The following PLXDC2 variants were observed in gnomAD, a reference collection of about 807,000 sequenced individuals.
PLXDC2 encodes the protein plexin domain-containing protein 2.
In PLXDC2, 40 loss-of-function variants were observed where a neutral mutation model predicts 68.9. That is an observed-to-expected ratio of 0.58 (90% confidence interval 0.45 to 0.76). The LOEUF is 0.76. Among genes scored for constraint, PLXDC2 ranks in the 30% least tolerant of loss-of-function variants. The pLI is 0.00. For missense variants in PLXDC2, 644 were observed against 661.9 expected, an observed-to-expected ratio of 0.97 and a Z score of 0.30; for synonymous variants, 243 against 234.2, an observed-to-expected ratio of 1.04 and a Z score of -0.34.
chr10:20,196,581 G>A (rs1193386303), intron 9 of PLXDC2, among the ~76,000 whole-genome samples: 1 of 152,090 alleles, frequency 6.6e-6, no homozygotes, highest in East Asian at 1.9e-4. Context: ...ATAGCTTGCT[G>A]TAGATACCAC....
chr10:20,184,803 A>G (rs1178669474), intron 9 of PLXDC2, among the ~76,000 whole-genome samples: 2 of 151,914 alleles, frequency 1.3e-5, no homozygotes, highest in Non-Finnish European at 2.9e-5. Flanking sequence ...GTATATTTGC[A>G]GCATTAAGTG....
intron 4 of PLXDC2, among the ~76,000 whole-genome samples, chr10:20,098,344 T>TGC (rs1833378205): frequency 7.4e-6 from 1 of 135,300 alleles, no homozygotes; most frequent in Admixed American, 7.5e-5. Context: ...GTCATTTTCG[T>TGC]GCGTGTGTGT....
At chr10:19,963,392 T>C (rs1834193997) in intron 1 of PLXDC2, among the ~76,000 whole-genome samples, 1 of 152,218 alleles carries the variant, frequency 6.6e-6, no homozygotes, top group African/African-American at 2.4e-5. Context: ...GTTTTCTTAA[T>C]CCAGTCTATC....
At chr10:20,255,862 T>G (rs1835735339) in intron 13 of PLXDC2, among the ~76,000 whole-genome samples, 1 of 152,088 alleles carries the variant, frequency 6.6e-6, no homozygotes. Context: ...TTAAGATTAT[T>G]TTACTATATG....
At chr10:19,929,435 T>C (rs924475194) in intron 1 of PLXDC2, among the ~76,000 whole-genome samples, 1 of 152,112 alleles carries the variant, frequency 6.6e-6, no homozygotes, top group Non-Finnish European at 1.5e-5. Context: ...ACGTGAAAGG[T>C]TAAATAGATT....
At chr10:20,065,978 C>T (rs931393271) in intron 3 of PLXDC2, among the ~76,000 whole-genome samples, 1 of 152,216 alleles carries the variant, frequency 6.6e-6, no homozygotes, top group Non-Finnish European at 1.5e-5. Context: ...AGAAGTAGAG[C>T]CATGACACTT....
intron 4 of PLXDC2, among the ~76,000 whole-genome samples, chr10:20,136,676 G>C (rs182011882): frequency 2.0e-5 from 3 of 152,184 alleles, no homozygotes; most frequent in Non-Finnish European, 4.4e-5. Flanking sequence ...AGTACATAAC[G>C]TTATAACAAA....
intron 1 of PLXDC2, among the ~76,000 whole-genome samples, chr10:19,999,177 A>G (rs924522252): frequency 1.3e-5 from 2 of 152,196 alleles, no homozygotes; most frequent in Non-Finnish European, 2.9e-5. Flanking sequence ...GTTCTGTGCC[A>G]GGATCCCAGA....
intron 1 of PLXDC2, among the ~76,000 whole-genome samples, chr10:19,928,136 A>G (rs1478197290): frequency 1.3e-5 from 2 of 152,296 alleles, no homozygotes; most frequent in South Asian, 4.1e-4. Flanking sequence ...TATCCTTTTT[A>G]TGGCTGAATA....
At chr10:20,068,688 T>C (rs1239049324) in intron 4 of PLXDC2, among the ~76,000 whole-genome samples, 2 of 150,110 alleles carry the variant, frequency 1.3e-5, no homozygotes, top group East Asian at 3.9e-4. Context: ...CACACAACCA[T>C]ATGTGCATTA....
intron 2 of PLXDC2, among the ~76,000 whole-genome samples, chr10:20,020,569 G>A (rs1219163562): frequency 6.6e-6 from 1 of 151,734 alleles, no homozygotes; most frequent in Admixed American, 6.6e-5. Context: ...ATATATATAT[G>A]TATATAAGTG....
chr10:19,834,189 T>C (rs1431262535), intron 1 of PLXDC2, among the ~76,000 whole-genome samples: 2 of 152,208 alleles, frequency 1.3e-5, no homozygotes, highest in Non-Finnish European at 2.9e-5. Context: ...GTCATCCATA[T>C]CTTCTGCATT....
chr10:19,985,166 G>A lies in PLXDC2; in HGVS notation c.113-16609G>A, dbSNP rs147444769. 1.5e-3 allele frequency among the ~76,000 whole-genome samples: 222 copies of A among 152,344 alleles called. 1 individual carries two copies. The highest frequency in any genetic ancestry group is 5.1e-3 in the African/African-American group (210 of 41,576). ...ATTGCAAACTGAGATGCTTTGGTCA[G>A]ATTTCTGGTAAGATATGGACCTCAG... On this transcript the variant is annotated intron_variant, in intron 1 of 13. Coordinates refer to ENST00000377252, the MANE Select transcript of PLXDC2 (RefSeq NM_032812.9).
At position 19,816,837 on chromosome 10, in the gene PLXDC2, G is replaced by A. The variant is rs984744691; in HGVS notation, c.-243G>A. 1.9e-5 allele frequency: 11 copies of A among 569,630 alleles called. No individual in the cohort carries two copies. Among genetic ancestry groups the A allele is most frequent in the Non-Finnish European group, 3.4e-5 (11 of 320,612 alleles). 35.3% of individuals were successfully genotyped at this position (569,630 alleles called of 1,614,324 possible). A position where few individuals can be genotyped will look rare whatever the true frequency, so the allele number is the denominator to read the frequency against. On this transcript the variant is annotated 5_prime_UTR_variant, in exon 1 of 14. Coordinates refer to ENST00000377252, the MANE Select transcript of PLXDC2 (RefSeq NM_032812.9). ...GCGGTTGTTGTTCAGTGTCGGGTGA[G>A]GGCTGCGAGTGTGGCAAGTTGCAAA...
Position 19,994,253 on chromosome 10 carries a change from CTTTTTT to C in PLXDC2, c.113-7504_113-7499del, listed in dbSNP as rs528321973. 2.5e-3 allele frequency among the ~76,000 whole-genome samples: 217 copies of C among 87,486 alleles called. 4 individuals carry two copies. The highest frequency in any genetic ancestry group is 0.018 in the Admixed American group (123 of 6,812). The allele number at this position is 87,486 out of a possible 152,430, so 57.4% of individuals were successfully genotyped here. On this transcript the variant is annotated intron_variant, in intron 1 of 13. Coordinates refer to ENST00000377252, the MANE Select transcript of PLXDC2 (RefSeq NM_032812.9). ...TTTCATAGGTTCCCATTGTATTCTC[CTTTTTT>C]TTTTTTTTTTTTTTTTTAACCATTT...
intron 4 of PLXDC2, among the ~76,000 whole-genome samples, chr10:20,114,463 T>C (rs755231834): frequency 6.6e-5 from 10 of 152,238 alleles, no homozygotes; most frequent in Non-Finnish European, 1.5e-4. Flanking sequence ...TTATGGTCCC[T>C]GTCCTCTGGG....
intron 13 of PLXDC2, among the ~76,000 whole-genome samples, chr10:20,261,198 A>G (rs890881740): frequency 3.3e-5 from 5 of 152,176 alleles, no homozygotes; most frequent in African/African-American, 1.2e-4. Flanking sequence ...AGTTTTATGT[A>G]ATCTCACTTT....
chr10:19,940,270 A>G (rs1012971885), intron 1 of PLXDC2, among the ~76,000 whole-genome samples: 36 of 152,132 alleles, frequency 2.4e-4, no homozygotes, highest in Non-Finnish European at 3.7e-4. Flanking sequence ...TGCCTAGAAC[A>G]TGGAAATATA....
At chr10:20,149,229 CTTTTTTTTTTTTTTT>C (rs71200986) in intron 6 of PLXDC2, among the ~76,000 whole-genome samples, 314 of 34,986 alleles carry the variant, frequency 9.0e-3, no homozygotes, top group African/African-American at 0.036. Context: ...TTTTTCTTTT[CTTTTTTTTTTTTTTT>C]TTTTTTTTTT....
Sources: allele counts gnomAD v4.1 joint callset (sites outside exome capture counted in the v4.1 genomes callset), GRCh38; gene constraint gnomAD v4.1.1; transcripts MANE v1.5; gene names NCBI Gene and HGNC (gene_info 2026-07-23, HGNC 2026-07-21).